RAB30: variants seen among roughly 807,000 people sequenced by gnomAD.
RAB30 encodes ras-related protein Rab-30.
RAB30 carries 9 observed loss-of-function variants against 25.1 expected under a neutral mutation model. The observed-to-expected ratio is 0.36, with a 90% CI of 0.22 to 0.63. The LOEUF is 0.63. Ranked by LOEUF, RAB30 falls within the 20% of genes least tolerant of loss-of-function variation. The pLI, the probability that RAB30 is intolerant of heterozygous loss-of-function variation, is 0.69. For missense variants in RAB30, 140 were observed against 243.5 expected, an observed-to-expected ratio of 0.58 and a Z score of 2.83; for synonymous variants, 77 against 86.4, an observed-to-expected ratio of 0.89 and a Z score of 0.60.
chr11:83,057,136 T>C (rs1244978013), intron 1 of RAB30, among the ~76,000 whole-genome samples: 2 of 152,012 alleles, frequency 1.3e-5, no homozygotes, highest in Admixed American at 1.3e-4. Flanking sequence ...ACTAAGGATC[T>C]TCTTACTCAA....
intron 1 of RAB30, among the ~76,000 whole-genome samples, chr11:82,998,392 A>G (rs1386455427): frequency 1.3e-5 from 2 of 152,068 alleles, no homozygotes; most frequent in African/African-American, 4.8e-5. Context: ...AGAACCTTAT[A>G]CAAAAATTAC....
intron 1 of RAB30, among the ~76,000 whole-genome samples, chr11:83,025,215 T>C (rs561365905): frequency 8.7e-4 from 132 of 152,330 alleles, no homozygotes; most frequent in African/African-American, 3.2e-3. Flanking sequence ...TGACATTTTA[T>C]CAGAAGAGAA....
chr11:83,006,912 C>T (rs1857196555), intron 1 of RAB30, among the ~76,000 whole-genome samples: 1 of 152,202 alleles, frequency 6.6e-6, no homozygotes, highest in South Asian at 2.1e-4. Flanking sequence ...ACCAAGTATC[C>T]ACAGTATGGC....
intron 1 of RAB30, among the ~76,000 whole-genome samples, chr11:83,022,652 T>G (rs1396447578): frequency 6.6e-6 from 1 of 152,044 alleles, no homozygotes; most frequent in Non-Finnish European, 1.5e-5. Context: ...TAAAGACAAC[T>G]TTTAAATAAA....
chr11:83,016,997 T>G (rs1229892389), intron 1 of RAB30, among the ~76,000 whole-genome samples: 4 of 151,998 alleles, frequency 2.6e-5, no homozygotes, highest in Admixed American at 6.6e-5. Flanking sequence ...AAAATCACAG[T>G]GCAATGTAAG....
chr11:83,021,254 G>A (rs1363532675), intron 1 of RAB30, among the ~76,000 whole-genome samples: 1 of 152,252 alleles, frequency 6.6e-6, no homozygotes, highest in Non-Finnish European at 1.5e-5. Context: ...TAAAAGAGTT[G>A]CTGTAACACA....
intron 1 of RAB30, among the ~76,000 whole-genome samples, chr11:83,042,631 C>T (rs1333187993): frequency 6.6e-6 from 1 of 152,138 alleles, no homozygotes; most frequent in African/African-American, 2.4e-5. Context: ...TCTGGCAGCC[C>T]CCACTTTAGG....
At chr11:82,984,139 A>C (rs1565266425) in intron 4 of RAB30, among the ~76,000 whole-genome samples, 2 of 152,216 alleles carry the variant, frequency 1.3e-5, no homozygotes, top group Admixed American at 1.3e-4. Context: ...CAATTGTATT[A>C]TCTGGCAACA....
rs745475716 is a variant in RAB30, at chr11:82,979,915, G to A, written c.*2250C>T. On this transcript the variant is annotated 3_prime_UTR_variant, in exon 5 of 5. Coordinates refer to ENST00000527633, the MANE Select transcript of RAB30 (RefSeq NM_001286060.2). ...GGCTAAACCCTAGGGAATAATACAA[G>A]TGTGACCCTAAAAGGTATTATTTTG... The A allele has an allele frequency of 4.6e-5, 7 of 152,112 alleles. No individual in the cohort carries two copies. Among genetic ancestry groups the A allele is most frequent in the African/African-American group, 7.2e-5 (3 of 41,402 alleles). The allele number at this position is 152,112 out of a possible 1,614,324, so 9.4% of individuals were successfully genotyped here.
chr11:82,997,094 G>C lies in RAB30; in HGVS notation c.93+130C>G, dbSNP rs80341371. On this transcript the variant is annotated intron_variant, in intron 2 of 4. Transcript: ENST00000527633. ...AAAGCAGATGCAGCTTTCAAAGGGT[G>C]CATCAGGAACTCACAGCTAAGACCC... 3,565 of 724,720 alleles carry C rather than the reference G, an allele frequency of 4.9e-3. 112 individuals are homozygous for C. The African/African-American group carries it at 0.057, about 12-fold the overall frequency. The allele number at this position is 724,720 out of a possible 1,614,324, so 44.9% of individuals were successfully genotyped here.
intron 1 of RAB30, among the ~76,000 whole-genome samples, chr11:83,050,743 A>G (rs1015099391): frequency 7.3e-5 from 11 of 151,464 alleles, no homozygotes; most frequent in African/African-American, 2.2e-4. Flanking sequence ...GCATTTTGTG[A>G]TAGTGTATTA....
chr11:83,005,173 ATCAT>A (rs1857159807), intron 1 of RAB30, among the ~76,000 whole-genome samples: 1 of 152,166 alleles, frequency 6.6e-6, no homozygotes, highest in South Asian at 2.1e-4. Flanking sequence ...GAAAGCTCTA[ATCAT>A]TCATTCTGCA....
chr11:82,986,732 C>T (rs1856744628), intron 4 of RAB30, among the ~76,000 whole-genome samples: 2 of 152,162 alleles, frequency 1.3e-5, no homozygotes, highest in African/African-American at 4.8e-5. Context: ...GCCGTGGTTT[C>T]CTGATCTGTA....
chr11:82,993,916 G>A (rs1167266211), intron 3 of RAB30, 123 bp downstream of exon 3: 1 of 741,248 alleles, frequency 1.3e-6, no homozygotes, highest in Non-Finnish European at 2.2e-6. Context: ...AAGCCATTAT[G>A]GCTGAGTGCA....
At chr11:83,038,150 T>C (rs1483260155) in intron 1 of RAB30, among the ~76,000 whole-genome samples, 1 of 152,212 alleles carries the variant, frequency 6.6e-6, no homozygotes, top group Non-Finnish European at 1.5e-5. Flanking sequence ...TCTGGAATTC[T>C]GTGGTTTTAA....
intron 1 of RAB30, among the ~76,000 whole-genome samples, chr11:83,010,749 T>C (rs1397824261): frequency 3.3e-5 from 5 of 152,138 alleles, no homozygotes; most frequent in African/African-American, 1.2e-4. Flanking sequence ...TGCTGAGAAT[T>C]CACTTTAGGG....
intron 1 of RAB30, among the ~76,000 whole-genome samples, chr11:83,057,075 C>A (rs1407803987): frequency 1.5e-5 from 2 of 132,832 alleles, no homozygotes; most frequent in African/African-American, 7.3e-5. Context: ...AGCTATAGCT[C>A]CTCAGAAGGT....
chr11:83,029,295 C>G (rs991187066), intron 1 of RAB30, among the ~76,000 whole-genome samples: 2 of 151,910 alleles, frequency 1.3e-5, no homozygotes, highest in Non-Finnish European at 2.9e-5. Flanking sequence ...TAAAAGCAGA[C>G]CCCCCAACAC....
At chr11:82,988,912 C>G (rs1407207849) in intron 3 of RAB30, among the ~76,000 whole-genome samples, 1 of 145,412 alleles carries the variant, frequency 6.9e-6, no homozygotes, top group African/African-American at 2.5e-5. Flanking sequence ...CCCACACAGT[C>G]TCTCTTGCGA....
Sources: gnomAD v4.1 joint callset for allele counts (sites outside exome capture counted in the v4.1 genomes callset) on GRCh38, gnomAD v4.1.1 for gene constraint, MANE v1.5 for transcripts, NCBI Gene and HGNC (gene_info 2026-07-23, HGNC 2026-07-21) for gene names.